Variants in SMTN observed in about 807,000 individuals in gnomAD.
SMTN encodes the protein smoothelin.
SMTN carries 58 observed loss-of-function variants against 102.0 expected under a neutral mutation model. That is an observed-to-expected ratio of 0.57 (90% CI 0.46 to 0.71). The LOEUF is 0.71. SMTN is among the 30% of genes least tolerant of loss of function. The probability of loss-of-function intolerance (pLI) is 0.00; values close to 1 mark genes in which losing one functional copy is unlikely to be tolerated. For missense variants in SMTN, 1,185 were observed against 1,241.7 expected, an observed-to-expected ratio of 0.95 and a Z score of 0.69; for synonymous variants, 478 against 497.9, an observed-to-expected ratio of 0.96 and a Z score of 0.53.
At chr22:31,064,305 A>C (rs547840577) in intron 1 of SMTN, 1 of 152,346 alleles carries the variant, frequency 6.6e-6, no homozygotes, top group Admixed American at 6.5e-5. Context: ...CTAGCTGTGC[A>C]ACTGTGGTGA....
intron 1 of SMTN, among the ~76,000 whole-genome samples, chr22:31,073,266 C>T (rs1569232126): frequency 2.0e-5 from 3 of 152,064 alleles, no homozygotes; most frequent in African/African-American, 7.3e-5. Flanking sequence ...CACGCACGCA[C>T]GCATGCACGC....
chr22:31,072,519 A>G (rs1248291902), intron 1 of SMTN, among the ~76,000 whole-genome samples: 1 of 151,470 alleles, frequency 6.6e-6, no homozygotes, highest in Non-Finnish European at 1.5e-5. Context: ...CTGGAGGGCA[A>G]TGCACGATCT....
At chr22:31,082,359 C>T (rs564148919) in intron 1 of SMTN, 13 of 356,318 alleles carry the variant, frequency 3.6e-5, no homozygotes, top group South Asian at 2.0e-4. Flanking sequence ...GCTCTTGCCT[C>T]TGTCACTGAG....
Position 31,097,351 on chromosome 22 carries a change from A to G in SMTN, c.2159+13A>G. Reference sequence around the variant, plus strand: ...AGAAGATGGGCAGGTGAGCACCAGCACCCAATCCCTGACCATAGAGGAGTC... The same window carrying G: ...AGAAGATGGGCAGGTGAGCACCAGCGCCCAATCCCTGACCATAGAGGAGTC... On this transcript the variant is annotated intron_variant, in intron 16 of 20. Coordinates refer to ENST00000333137, the MANE Select transcript of SMTN (RefSeq NM_134269.3). 1 of 1,612,352 alleles carries G rather than the reference A, an allele frequency of 6.2e-7. No homozygotes were observed. Among genetic ancestry groups the G allele is most frequent in the Non-Finnish European group, 8.5e-7 (1 of 1,178,512 alleles).
intron 16 of SMTN, 79 bp from the exon 17 acceptor site, chr22:31,098,588 C>G (rs1251301001): frequency 3.3e-5 from 47 of 1,436,580 alleles, no homozygotes; most frequent in Non-Finnish European, 3.8e-5. Flanking sequence ...CAAGACCCCC[C>G]CTCCTCCTCG....
At chr22:31,085,298 G>T in intron 2 of SMTN, 1 of 1,491,784 alleles carries the variant, frequency 6.7e-7, no homozygotes, top group Non-Finnish European at 8.9e-7. Context: ...CAGGGTGGGC[G>T]AGGCGAGGGC....
chr22:31,089,905 T>C lies in SMTN; in HGVS notation c.678T>C (p.Leu226=). The C allele has an allele frequency of 6.2e-7, 1 of 1,612,668 alleles. No individual in the cohort carries two copies. Among genetic ancestry groups the C allele is most frequent in the Non-Finnish European group, 8.5e-7 (1 of 1,179,392 alleles). Residue 226 remains leucine (L), a synonymous_variant, in exon 7 of 21, where the codon CTT becomes CTC. Coordinates refer to ENST00000333137, the MANE Select transcript of SMTN (RefSeq NM_134269.3). ...PPLEPAEAQC[L]TAEVPGSPEP... ...TGGAGCCTGCCGAGGCCCAGTGCCT[T>C]ACAGCTGAGGTTCCAGGCAGCCCAG...
At chr22:31,098,578 C>T (rs2043790573) in intron 16 of SMTN, 89 bp from the exon 17 acceptor site, 2 of 1,240,332 alleles carry the variant, frequency 1.6e-6, no homozygotes, top group Non-Finnish European at 1.1e-6. Context: ...TAGTGTGCTA[C>T]AAGACCCCCC....
In SMTN at chr22:31,090,973, T is replaced by C. The variant is rs1257051962; in HGVS notation, c.950T>C (p.Leu317Pro). The C allele has an allele frequency of 5.0e-6, 8 of 1,613,208 alleles. No homozygotes were observed. The highest frequency in any genetic ancestry group is 5.9e-6 in the Non-Finnish European group (7 of 1,179,440). The change falls in exon 10 of 21, where the codon CTT becomes CCT. Residue 317 changes from leucine to proline, a missense_variant. By Grantham distance (98) the Leu-to-Pro change is moderately conservative. Coordinates refer to ENST00000333137, the MANE Select transcript of SMTN (RefSeq NM_134269.3). ...CTGTTCCTTCTAGAGTCCACCCCCC[T>C]TGCCAGCGGACCTTCCTCATTCCAG... ...QPAQNRESTP[L>P]ASGPSSFQRA... is the part of the protein sequence containing the mutation.
rs770319098 is a variant in SMTN at position 31,091,450 on chromosome 22, G to A, written c.1427G>A (p.Arg476Gln). ...KDGRGQASTGRVLLPTGNQRA... is the reference protein window; with the variant it reads ...KDGRGQASTGQVLLPTGNQRA... Reference sequence around the variant, plus strand: ...GGCCGTGGCCAGGCCTCCACAGGCCGGGTGCTGCTGCCCACAGGCAACCAG... The same window carrying A: ...GGCCGTGGCCAGGCCTCCACAGGCCAGGTGCTGCTGCCCACAGGCAACCAG... The change falls in exon 10 of 21, where the codon CGG (arginine) becomes CAG (glutamine). Residue 476 changes from arginine to glutamine, a missense_variant. By Grantham distance (43) the Arg-to-Gln change is conservative (BLOSUM62 1). Transcript: ENST00000333137. 7.8e-6 allele frequency: 12 copies of A among 1,528,926 alleles called. No homozygotes were observed. The highest frequency in any genetic ancestry group is 1.8e-4 in the Middle Eastern group (1 of 5,654). The allele number at this position is 1,528,926 out of a possible 1,614,324, so 94.7% of individuals were successfully genotyped here.
intron 20 of SMTN, chr22:31,102,233 G>T (rs889474509): frequency 6.6e-6 from 1 of 152,176 alleles, no homozygotes; most frequent in Non-Finnish European, 1.5e-5. Context: ...AGAGAGAGAC[G>T]TGGGCTAAGA....
intron 19 of SMTN, among the ~76,000 whole-genome samples, chr22:31,100,498 C>T (rs573933299): frequency 2.0e-4 from 30 of 152,032 alleles, no homozygotes; most frequent in Admixed American, 5.2e-4. Flanking sequence ...CCCACCTCCT[C>T]TCACGCCTCC....
intron 11 of SMTN, 86 bp downstream of exon 11, chr22:31,091,933 G>T (rs1235173140): frequency 7.9e-7 from 1 of 1,263,110 alleles, no homozygotes; most frequent in East Asian, 2.6e-5. Context: ...GGGTTCCTCT[G>T]CTCCTCCCCT....
chr22:31,085,263 T>C, intron 2 of SMTN: 2 of 1,517,278 alleles, frequency 1.3e-6, no homozygotes, highest in Non-Finnish European at 1.8e-6. Context: ...CCTACCTGGC[T>C]ACCCCTTCGG....
chr22:31,100,578 C>G (rs1312227828), intron 19 of SMTN, among the ~76,000 whole-genome samples: 1 of 152,018 alleles, frequency 6.6e-6, no homozygotes, highest in Non-Finnish European at 1.5e-5. Flanking sequence ...CCCCACCCCG[C>G]GTTCCCGCTT....
upstream of SMTN, among the ~76,000 whole-genome samples, chr22:31,077,433 T>C (rs1383253179): frequency 1.3e-5 from 2 of 151,632 alleles, no homozygotes; most frequent in Non-Finnish European, 2.9e-5. Context: ...GTTCTGAGCC[T>C]GTCTCCTTAT....
Position 31,104,585 on chromosome 22 carries a change from T to G in SMTN, c.*290T>G. The stretch of plus-strand genomic sequence containing the variant: ...CTGTTGCGACACCCTCCCCCCCACA[T>G]ACACACGCAGCGTTTTGATAAATTA... On this transcript the variant is annotated 3_prime_UTR_variant, in exon 21 of 21. Transcript: ENST00000333137. 1.0e-6 allele frequency: 1 copy of G among 956,452 alleles called. No homozygotes were observed. Among genetic ancestry groups the G allele is most frequent in the Non-Finnish European group, 1.6e-6 (1 of 621,158 alleles). The allele number at this position is 956,452 out of a possible 1,614,324, so 59.2% of individuals were successfully genotyped here.
chr22:31,086,899 T>C (rs1382504264), intron 2 of SMTN, among the ~76,000 whole-genome samples: 2 of 152,190 alleles, frequency 1.3e-5, no homozygotes, highest in Non-Finnish European at 2.9e-5. Flanking sequence ...CCTTGCCACC[T>C]GGCCTTCCCG....
intron 17 of SMTN, 94 bp downstream of exon 17, chr22:31,098,934 C>A: frequency 6.4e-7 from 1 of 1,550,928 alleles, no homozygotes; most frequent in East Asian, 2.2e-5. Flanking sequence ...GGCGGGAAGA[C>A]CGCGCGGCTA....
Sources: allele counts gnomAD v4.1 joint callset (sites outside exome capture counted in the v4.1 genomes callset), GRCh38; gene constraint gnomAD v4.1.1; transcripts MANE v1.5; gene names NCBI Gene and HGNC (gene_info 2026-07-23, HGNC 2026-07-21).